Variants in CDH13 observed in about 807,000 individuals in gnomAD.
CDH13 encodes the protein cadherin 13.
In CDH13, 24 loss-of-function variants were observed where a neutral mutation model predicts 63.8. The ratio of observed to expected loss-of-function variants is 0.38; its 90% CI spans 0.27 to 0.53. CDH13 has a LOEUF of 0.53. CDH13 is among the 20% of genes least tolerant of loss of function. The probability of loss-of-function intolerance (pLI) is 0.85; values close to 1 mark genes in which losing one functional copy is unlikely to be tolerated. For synonymous variants in CDH13, 503 were observed against 355.3 expected (o/e 1.42, Z -4.67); for missense variants, 1,049 against 903.1 (o/e 1.16, Z -2.07).
chr16:83,223,596 C>G (rs1407076362), intron 5 of CDH13, among the ~76,000 whole-genome samples: 1 of 152,226 alleles, frequency 6.6e-6, no homozygotes, highest in Non-Finnish European at 1.5e-5. Context: ...AGCCAGGTGA[C>G]TTTGCCAAGC....
chr16:83,628,576 A>G (rs958615481), intron 8 of CDH13, among the ~76,000 whole-genome samples: 4 of 152,200 alleles, frequency 2.6e-5, no homozygotes, highest in African/African-American at 7.2e-5. Flanking sequence ...ACAATAGGCA[A>G]TTGCCCTTGA....
chr16:82,971,372 C>G (rs530174476), intron 2 of CDH13, among the ~76,000 whole-genome samples: 7 of 152,192 alleles, frequency 4.6e-5, no homozygotes, highest in African/African-American at 1.4e-4. Context: ...CACATCAACC[C>G]CGCACACTTG....
At chr16:82,853,170 C>G (rs749769800) in intron 1 of CDH13, among the ~76,000 whole-genome samples, 2 of 152,270 alleles carry the variant, frequency 1.3e-5, no homozygotes, top group African/African-American at 2.4e-5. Flanking sequence ...ACAGAGGTAA[C>G]ACAACTCAAT....
At chr16:83,273,913 C>G (rs533276407) in intron 5 of CDH13, among the ~76,000 whole-genome samples, 1 of 152,274 alleles carries the variant, frequency 6.6e-6, no homozygotes, top group Admixed American at 6.5e-5. Context: ...GCCTCACATG[C>G]AGGACCTCAG....
At chr16:83,681,174 A>G (rs555285080) in intron 10 of CDH13, among the ~76,000 whole-genome samples, 2 of 152,100 alleles carry the variant, frequency 1.3e-5, no homozygotes, top group Admixed American at 1.3e-4. Context: ...GAGGGCCTGC[A>G]GGGGCGGCTA....
chr16:83,203,295 T>C (rs909002738), intron 4 of CDH13, among the ~76,000 whole-genome samples: 3 of 152,160 alleles, frequency 2.0e-5, no homozygotes, highest in Non-Finnish European at 2.9e-5. Flanking sequence ...ATCTGTGTGA[T>C]GGGATAATTA....
intron 7 of CDH13, among the ~76,000 whole-genome samples, chr16:83,553,950 C>T (rs542477186): frequency 6.6e-6 from 1 of 152,148 alleles, no homozygotes; most frequent in Non-Finnish European, 1.5e-5. Flanking sequence ...AATTTTGTGT[C>T]TTTTATAGGT....
intron 7 of CDH13, among the ~76,000 whole-genome samples, chr16:83,532,241 A>G (rs534984789): frequency 3.3e-5 from 5 of 152,286 alleles, no homozygotes; most frequent in African/African-American, 1.2e-4. Flanking sequence ...GTGTTTATCA[A>G]CAGTGTGAAA....
At chr16:83,705,350 C>T (rs951802438) in intron 10 of CDH13, among the ~76,000 whole-genome samples, 31 of 152,218 alleles carry the variant, frequency 2.0e-4, no homozygotes, top group Admixed American at 1.0e-3. Flanking sequence ...AGCCCGGGCC[C>T]GGTGGCTCAC....
At chr16:83,658,420 G>A (rs77064913) in intron 8 of CDH13, among the ~76,000 whole-genome samples, 409 of 61,846 alleles carry the variant, frequency 6.6e-3, no homozygotes, top group African/African-American at 0.019. Context: ...ACCAGGTCCC[G>A]TATCCTCAGC....
At chr16:83,231,069 A>G (rs146942286) in intron 5 of CDH13, among the ~76,000 whole-genome samples, 1 of 152,356 alleles carries the variant, frequency 6.6e-6, no homozygotes, top group East Asian at 1.9e-4. Context: ...TGCTCAGAGC[A>G]AGACCTGGTG....
At chr16:83,261,259 T>C (rs1165229784) in intron 5 of CDH13, among the ~76,000 whole-genome samples, 1 of 152,130 alleles carries the variant, frequency 6.6e-6, no homozygotes, top group Non-Finnish European at 1.5e-5. Flanking sequence ...GGAAGGTAAG[T>C]GCTTTTGCTA....
chr16:83,090,560 C>T (rs112656111), intron 3 of CDH13, among the ~76,000 whole-genome samples: 6,533 of 125,568 alleles, frequency 0.052, 193 homozygotes, highest in South Asian at 0.12. Flanking sequence ...GGCGACAAAG[C>T]GAAACTGCAT....
chr16:83,108,460 T>C (rs1225131025), intron 3 of CDH13, among the ~76,000 whole-genome samples: 1 of 152,142 alleles, frequency 6.6e-6, no homozygotes. Flanking sequence ...CGAGAAAGGG[T>C]CCTGCTTGCA....
At chr16:83,036,703 C>A (rs1183635793) in intron 3 of CDH13, among the ~76,000 whole-genome samples, 3 of 152,144 alleles carry the variant, frequency 2.0e-5, no homozygotes, top group African/African-American at 7.2e-5. Context: ...GCATCCCTCT[C>A]CCTTGCACCC....
At chr16:83,532,884 C>T (rs887816881) in intron 7 of CDH13, among the ~76,000 whole-genome samples, 1 of 152,174 alleles carries the variant, frequency 6.6e-6, no homozygotes, top group Admixed American at 6.5e-5. Flanking sequence ...AGCAGTGCCA[C>T]GGGAGAGAGC....
intron 6 of CDH13, among the ~76,000 whole-genome samples, chr16:83,405,989 T>G (rs2092037387): frequency 1.3e-5 from 2 of 152,212 alleles, no homozygotes; most frequent in African/African-American, 4.8e-5. Context: ...GGATCTCGGC[T>G]GCAGCTGCAT....
chr16:83,634,063 G>C (rs944128343), intron 8 of CDH13, among the ~76,000 whole-genome samples: 4 of 151,942 alleles, frequency 2.6e-5, no homozygotes, highest in African/African-American at 9.7e-5. Context: ...GTTCATGTGG[G>C]CACAATACTA....
chr16:82,999,349 T>C (rs538379434), intron 2 of CDH13, among the ~76,000 whole-genome samples: 3 of 152,344 alleles, frequency 2.0e-5, no homozygotes, highest in Non-Finnish European at 1.5e-5. Flanking sequence ...CGAAATGTTG[T>C]ATGACAAACT....
Sources: allele counts gnomAD v4.1 joint callset (sites outside exome capture counted in the v4.1 genomes callset), GRCh38; gene constraint gnomAD v4.1.1; transcripts MANE v1.5; gene names NCBI Gene and HGNC (gene_info 2026-07-23, HGNC 2026-07-21).